SPOCK1: variants seen among roughly 807,000 people sequenced by gnomAD.
SPOCK1 encodes testican-1.
In SPOCK1, 23 loss-of-function variants were observed where a neutral mutation model predicts 55.3. The ratio of observed to expected loss-of-function variants is 0.42; its 90% CI spans 0.30 to 0.59. The LOEUF (loss-of-function observed/expected upper bound fraction) is 0.59. SPOCK1 is among the 20% of genes least tolerant of loss of function. The pLI is 0.22. For synonymous variants in SPOCK1, 226 were observed against 221.0 expected, an observed-to-expected ratio of 1.02 and a Z score of -0.20; for missense variants, 499 against 552.5, an observed-to-expected ratio of 0.90 and a Z score of 0.97.
At chr5:137,291,907 T>A (rs2127131262) in intron 2 of SPOCK1, among the ~76,000 whole-genome samples, 1 of 152,308 alleles carries the variant, frequency 6.6e-6, no homozygotes, top group Non-Finnish European at 1.5e-5. Flanking sequence ...ACCCTTCCTG[T>A]TTGCATGTGG....
chr5:137,378,233 C>T (rs560288903), intron 2 of SPOCK1, among the ~76,000 whole-genome samples: 118 of 152,300 alleles, frequency 7.7e-4, no homozygotes, highest in Non-Finnish European at 1.4e-3. Flanking sequence ...CATGAGCCAC[C>T]GCACCTGGCC....
In SPOCK1 at chr5:137,183,586, A is replaced by C. The variant is rs546209595; in HGVS notation, c.233-42892T>G. Among the ~76,000 whole-genome samples, 7 of 152,330 alleles carry C rather than the reference A, an allele frequency of 4.6e-5. No individual in the cohort carries two copies. The South Asian group carries it at 1.2e-3, about 27-fold the overall frequency. ...AAGATTCTGTACTTTTAAGTTCTCC[A>C]GAGGACTTTTGCAGCCTGTTTGGCA... On this transcript the variant is annotated intron_variant, in intron 3 of 10. Coordinates refer to ENST00000394945, the MANE Select transcript of SPOCK1 (RefSeq NM_004598.4).
chr5:137,320,580 C>A (rs193001519), intron 2 of SPOCK1, among the ~76,000 whole-genome samples: 83 of 152,268 alleles, frequency 5.5e-4, no homozygotes, highest in African/African-American at 1.9e-3. Flanking sequence ...GAGCTCAATG[C>A]CAGAAAAAGC....
intron 6 of SPOCK1, among the ~76,000 whole-genome samples, chr5:137,029,507 G>A (rs1223463300): frequency 6.6e-6 from 1 of 152,240 alleles, no homozygotes; most frequent in Non-Finnish European, 1.5e-5. Flanking sequence ...CTGAGACCTA[G>A]AGAAGTTAAG....
chr5:137,195,961 T>C (rs551756707), intron 3 of SPOCK1, among the ~76,000 whole-genome samples: 2 of 152,308 alleles, frequency 1.3e-5, no homozygotes, highest in East Asian at 1.9e-4. Flanking sequence ...TACCTCATCC[T>C]GGGCATGTGG....
At chr5:136,979,808 G>C (rs534592687) in intron 9 of SPOCK1, among the ~76,000 whole-genome samples, 95 of 152,212 alleles carry the variant, frequency 6.2e-4, no homozygotes, top group Admixed American at 3.7e-3. Context: ...AACTCTAAGA[G>C]ATACATACCA....
At chr5:137,261,164 C>A (rs1015203827) in intron 3 of SPOCK1, among the ~76,000 whole-genome samples, 7 of 152,254 alleles carry the variant, frequency 4.6e-5, no homozygotes, top group African/African-American at 1.7e-4. Context: ...ATCAGAGGTT[C>A]TTTTAGGGTG....
intron 2 of SPOCK1, among the ~76,000 whole-genome samples, chr5:137,354,800 C>T (rs1292237597): frequency 1.3e-5 from 2 of 152,096 alleles, no homozygotes; most frequent in East Asian, 1.9e-4. Context: ...AAGGATTGGC[C>T]CGTAGGAGGT....
intron 2 of SPOCK1, among the ~76,000 whole-genome samples, chr5:137,382,402 A>G (rs1261810774): frequency 2.6e-5 from 4 of 152,228 alleles, no homozygotes; most frequent in Non-Finnish European, 4.4e-5. Context: ...GTATCTTTAT[A>G]GCAGTGCCCC....
intron 4 of SPOCK1, among the ~76,000 whole-genome samples, chr5:137,123,829 A>C (rs1419921492): frequency 6.6e-6 from 1 of 152,186 alleles, no homozygotes; most frequent in Non-Finnish European, 1.5e-5. Context: ...ACATCCCTGT[A>C]TATAAACCTG....
intron 2 of SPOCK1, among the ~76,000 whole-genome samples, chr5:137,304,571 C>A (rs1162900517): frequency 6.6e-6 from 1 of 152,164 alleles, no homozygotes; most frequent in Admixed American, 6.5e-5. Context: ...GAATGTGCCA[C>A]AGAAGGTGCC....
intron 3 of SPOCK1, among the ~76,000 whole-genome samples, chr5:137,194,831 C>A (rs1371391495): frequency 6.6e-6 from 1 of 152,194 alleles, no homozygotes; most frequent in Non-Finnish European, 1.5e-5. Flanking sequence ...AAGCACCAGC[C>A]CTGAGCCGGC....
At chr5:137,032,775 C>T (rs1488041224) in intron 6 of SPOCK1, among the ~76,000 whole-genome samples, 2 of 151,990 alleles carry the variant, frequency 1.3e-5, no homozygotes, top group African/African-American at 2.4e-5. Context: ...GGGAGGCAGT[C>T]GGTATGTTCT....
chr5:137,218,643 T>C (rs189701029), intron 3 of SPOCK1, among the ~76,000 whole-genome samples: 1 of 152,348 alleles, frequency 6.6e-6, no homozygotes, highest in African/African-American at 2.4e-5. Flanking sequence ...TGACAAGTTG[T>C]ATGACTCAGC....
chr5:137,464,593 G>A (rs1419244066), intron 2 of SPOCK1, among the ~76,000 whole-genome samples: 6 of 151,820 alleles, frequency 4.0e-5, no homozygotes, highest in Non-Finnish European at 7.4e-5. Context: ...TGGGTGGGGT[G>A]GGGTGGGGTG....
intron 2 of SPOCK1, among the ~76,000 whole-genome samples, chr5:137,406,047 G>A (rs1752092037): frequency 6.6e-6 from 1 of 152,178 alleles, no homozygotes; most frequent in Non-Finnish European, 1.5e-5. Context: ...CCAGGTTGCT[G>A]TGACAGTCCA....
At chr5:137,363,253 G>A (rs1750989145) in intron 2 of SPOCK1, among the ~76,000 whole-genome samples, 1 of 152,070 alleles carries the variant, frequency 6.6e-6, no homozygotes, top group Admixed American at 6.5e-5. Flanking sequence ...ATAGGTCCAG[G>A]GATACCAAAA....
intron 2 of SPOCK1, among the ~76,000 whole-genome samples, chr5:137,404,008 C>G (rs1240221627): frequency 6.6e-6 from 1 of 152,144 alleles, no homozygotes; most frequent in Non-Finnish European, 1.5e-5. Context: ...GTGAGACAGA[C>G]AGGCCTGCTG....
intron 2 of SPOCK1, among the ~76,000 whole-genome samples, chr5:137,378,020 C>T (rs1417774193): frequency 1.4e-5 from 2 of 147,636 alleles, no homozygotes; most frequent in Non-Finnish European, 3.0e-5. Flanking sequence ...TGTTGGCTCA[C>T]CGCAACCTCC....
Sources: gnomAD v4.1 joint callset for allele counts (sites outside exome capture counted in the v4.1 genomes callset) on GRCh38, gnomAD v4.1.1 for gene constraint, MANE v1.5 for transcripts, NCBI Gene and HGNC (gene_info 2026-07-23, HGNC 2026-07-21) for gene names.